The following ANO7 variants were observed in gnomAD, a reference collection of about 807,000 sequenced individuals.
ANO7 encodes the protein anoctamin-7.
Under a neutral mutation model 115.8 loss-of-function variants are expected in ANO7, and 114 were observed. That is an observed-to-expected ratio of 0.98 (90% CI 0.85 to 1.15). The LOEUF (loss-of-function observed/expected upper bound fraction) is 1.15, where lower values mean the gene tolerates loss of function less well. Among genes scored for constraint, ANO7 ranks in the 50% most tolerant of loss-of-function variants. The pLI, the probability that ANO7 is intolerant of heterozygous loss-of-function variation, is 0.00. For synonymous variants in ANO7, 550 were observed against 498.2 expected (o/e 1.10, Z -1.38); for missense variants, 1,302 against 1,201.2 (o/e 1.08, Z -1.24).
chr2:241,202,216 C>A lies in ANO7; in HGVS notation c.635C>A (p.Thr212Asn), dbSNP rs2068488054. The A allele has an allele frequency of 6.2e-7, 1 of 1,613,830 alleles. No individual in the cohort carries two copies. Among genetic ancestry groups the A allele is most frequent in the South Asian group, 1.1e-5 (1 of 91,088 alleles). ...CAGCTGTTTGAGATCCTGGCCAAGA[C>A]CCCGTATGGCCACGAGAAGAAAAAC... The part of the protein sequence containing the change: ...HQILFEILAK[T>N]PYGHEKKNLL... Residue 212 changes from threonine (T) to asparagine (N), a missense_variant, in exon 8 of 25, where the codon ACC (threonine) becomes AAC (asparagine). Thr to Asn is a moderately conservative substitution (Grantham distance 65). Transcript: ENST00000674324.
Position 241,217,793 on chromosome 2 carries a change from G to T in ANO7, c.2080G>T (p.Val694Phe), listed in dbSNP as rs1398371851. 1 of 1,610,426 alleles carries T rather than the reference G, an allele frequency of 6.2e-7. No individual in the cohort carries two copies. Among genetic ancestry groups the T allele is most frequent in the Non-Finnish European group, 8.5e-7 (1 of 1,179,056 alleles). The stretch of plus-strand genomic sequence containing the variant: ...GATCCGCTTGGACGCGCGCAAGTTC[G>T]TCTGCGAGTACCGGCGCCCGGTGGC... ...VEIRLDARKF[V>F]CEYRRPVAER... Residue 694 changes from valine to phenylalanine, a missense_variant, in exon 20 of 25, where the codon GTC becomes TTC. Physicochemically the swap from Val to Phe is conservative, Grantham distance 50. Coordinates refer to ENST00000674324, the MANE Select transcript of ANO7 (RefSeq NM_001370694.2).
At chr2:241,235,635 A>T in the ANO7 span, 1 of 1,427,356 alleles carries the variant, frequency 7.0e-7, no homozygotes, top group Non-Finnish European at 9.9e-7. Context: ...GGGAGCTGAG[A>T]GCAGAGTGAC....
chr2:241,196,346 C>T (rs1181656717), intron 4 of ANO7, among the ~76,000 whole-genome samples: 1 of 152,064 alleles, frequency 6.6e-6, no homozygotes, highest in Non-Finnish European at 1.5e-5. Flanking sequence ...CACAGGCAGG[C>T]GCAGGTGGGG....
Position 241,210,406 on chromosome 2 carries a change from T to G in ANO7, c.1458+13T>G, listed in dbSNP as rs781489203. The G allele has an allele frequency of 6.2e-7, 1 of 1,613,972 alleles. No homozygotes were observed. The highest frequency in any genetic ancestry group is 1.7e-5 in the Admixed American group (1 of 60,032). On this transcript the variant is annotated intron_variant, in intron 14 of 24. Coordinates refer to ENST00000674324, the MANE Select transcript of ANO7 (RefSeq NM_001370694.2). ...TCTCGCAGCCTGGGTGAGCCTCTGC[T>G]GCCTGCCTCGGGGGGCCCTGAGCGG...
intron 3 of ANO7, among the ~76,000 whole-genome samples, chr2:241,192,112 G>A (rs868707092): frequency 1.4e-4 from 21 of 152,336 alleles, no homozygotes; most frequent in Admixed American, 3.9e-4. Flanking sequence ...CAAGGCGGGT[G>A]GATCACCTGA....
At chr2:241,199,515 T>TCTGAGCAGGGAG in intron 5 of ANO7, 92 bp downstream of exon 5, 3 of 1,331,840 alleles carry the variant, frequency 2.3e-6, no homozygotes, top group South Asian at 1.2e-5. Flanking sequence ...TCAGGAGGGC[T>TCTGAGCAGGGAG]CCCTGCTCAG....
At chr2:241,217,472 G>A (rs1036959017) in intron 19 of ANO7, 19 of 575,754 alleles carry the variant, frequency 3.3e-5, no homozygotes, top group Admixed American at 2.2e-4. Context: ...CCAGAAGCAC[G>A]GAGCGCAGGG....
rs767728490 is a variant in ANO7, at chr2:241,216,156, T to C, written c.1890T>C (p.Ser630=). 4 of 1,613,372 alleles carry C rather than the reference T, an allele frequency of 2.5e-6. No homozygotes were observed. The highest frequency in any genetic ancestry group is 2.5e-6 in the Non-Finnish European group (3 of 1,179,916). ...CCAAGAAGAGGAAGGCGGGAGCTTC[T>C]GCAGGGGCTAGCCAGGGGCCCTGGG... ...LRSKKRKAGA[S]AGASQGPWED... Residue 630 remains serine (S), a synonymous_variant, in exon 19 of 25, where the codon TCT becomes TCC. Coordinates refer to ENST00000674324, the MANE Select transcript of ANO7 (RefSeq NM_001370694.2).
intron 9 of ANO7, 61 bp from the exon 10 acceptor site, chr2:241,204,804 C>T: frequency 2.9e-6 from 4 of 1,375,020 alleles, no homozygotes; most frequent in Non-Finnish European, 4.1e-6. Context: ...CTGTGCAGAC[C>T]CCTACCTGGG....
At chr2:241,200,723 C>A (rs1455007619) in intron 6 of ANO7, among the ~76,000 whole-genome samples, 1 of 152,258 alleles carries the variant, frequency 6.6e-6, no homozygotes, top group Non-Finnish European at 1.5e-5. Context: ...CCAGAAGTGG[C>A]AGGGACCACT....
At chr2:241,210,979 T>C (rs1461319349) in intron 15 of ANO7, among the ~76,000 whole-genome samples, 1 of 152,200 alleles carries the variant, frequency 6.6e-6, no homozygotes, top group Non-Finnish European at 1.5e-5. Flanking sequence ...TTTCTTTCTC[T>C]TATTTTTTGT....
At chr2:241,236,313 C>G in the ANO7 span, 6 of 399,382 alleles carry the variant, frequency 1.5e-5, no homozygotes, top group Middle Eastern at 6.9e-4. Flanking sequence ...TCACATTCAT[C>G]CCCCTGCAGC....
chr2:241,211,647 CA>C (rs917171502), intron 15 of ANO7, among the ~76,000 whole-genome samples: 2 of 152,148 alleles, frequency 1.3e-5, no homozygotes, highest in African/African-American at 4.8e-5. Context: ...TCTGGATGGC[CA>C]AGGGTAGGGC....
At position 241,203,637 on chromosome 2, in the gene ANO7, G is replaced by A; in HGVS notation, c.889+139G>A. The A allele has an allele frequency of 1.7e-6, 1 of 604,658 alleles. No homozygotes were observed. The highest frequency in any genetic ancestry group is 2.7e-6 in the Non-Finnish European group (1 of 369,570). The allele number at this position is 604,658 out of a possible 1,614,324, so 37.5% of individuals were successfully genotyped here. A position where few individuals can be genotyped will look rare whatever the true frequency, so the allele number is the denominator to read the frequency against. On this transcript the variant is annotated intron_variant, in intron 9 of 24. Transcript: ENST00000674324. This position sits in a 1 kb window ranked among gnomAD's most constrained non-coding sequence, Gnocchi z 4.8. ...GTGGGCGCAGCTCTTGGCTCGACCGGGCTGCCCTCCTGGCTCCCCTCAAGC... is the reference window on the plus strand; with the variant it reads ...GTGGGCGCAGCTCTTGGCTCGACCGAGCTGCCCTCCTGGCTCCCCTCAAGC...
chr2:241,219,368 T>C (rs1469636857), intron 21 of ANO7, among the ~76,000 whole-genome samples: 3 of 152,208 alleles, frequency 2.0e-5, no homozygotes, highest in African/African-American at 4.8e-5. Flanking sequence ...TACGAATTCA[T>C]ACTTGTGATC....
intron 4 of ANO7, 35 bp downstream of exon 4, chr2:241,195,880 C>G (rs1451846186): frequency 6.2e-7 from 1 of 1,614,142 alleles, no homozygotes; most frequent in Admixed American, 1.7e-5. Flanking sequence ...GGCCCTAGGC[C>G]CTGCATCCAC....
chr2:241,214,177 C>T (rs1306103797), intron 17 of ANO7, among the ~76,000 whole-genome samples: 1 of 152,134 alleles, frequency 6.6e-6, no homozygotes, highest in Non-Finnish European at 1.5e-5. Context: ...CTCAGCTACT[C>T]GGGAGGCTGA....
rs796255523 is a variant in ANO7, at chr2:241,217,512, G to GAGGC, written c.1973-173_1973-170dup. The GAGGC allele has an allele frequency of 1.5e-5, 11 of 715,878 alleles. No homozygotes were observed. In the African/African-American group the frequency reaches 1.8e-4, roughly 12 times the overall value. 44.3% of individuals were successfully genotyped at this position (715,878 alleles called of 1,614,324 possible). ...ACAGCCGGCCTGAGGCCGGTCAGGA[G>GAGGC]AGGCGGCCCTGGCGCTGCGCGGTCC... On this transcript the variant is annotated intron_variant, in intron 19 of 24. Coordinates refer to ENST00000674324, the MANE Select transcript of ANO7 (RefSeq NM_001370694.2).
intron 15 of ANO7, among the ~76,000 whole-genome samples, chr2:241,211,178 C>G (rs1028689580): frequency 2.0e-5 from 3 of 152,184 alleles, no homozygotes; most frequent in Non-Finnish European, 4.4e-5. Flanking sequence ...TCTCACCCCT[C>G]CACAGGGCCC....
Sources: allele counts gnomAD v4.1 joint callset (sites outside exome capture counted in the v4.1 genomes callset), GRCh38; gene constraint gnomAD v4.1.1; non-coding constraint Gnocchi (gnomAD v3.1); transcripts MANE v1.5; gene names NCBI Gene and HGNC (gene_info 2026-07-23, HGNC 2026-07-21).